Variants in PCDHA10 observed in about 807,000 individuals in gnomAD.
PCDHA10 encodes protocadherin alpha 10, also known as protocadherin alpha-10.
PCDHA10 carries 45 observed loss-of-function variants against 61.2 expected under a neutral mutation model. The ratio of observed to expected loss-of-function variants is 0.74; its 90% CI spans 0.58 to 0.94. PCDHA10 has a LOEUF of 0.94. PCDHA10 is among the 40% of genes least tolerant of loss of function. The pLI is 0.00. For synonymous variants in PCDHA10, 602 were observed against 548.8 expected (o/e 1.10, Z -1.35); for missense variants, 1,278 against 1,236.2 (o/e 1.03, Z -0.51).
chr5:140,973,936 G>A (rs2096608372), intron 1 of PCDHA10, among the ~76,000 whole-genome samples: 1 of 152,334 alleles, frequency 6.6e-6, no homozygotes, highest in Admixed American at 6.5e-5. Context: ...AGGTTTAGCT[G>A]AATATGATGG....
intron 1 of PCDHA10, among the ~76,000 whole-genome samples, chr5:140,933,444 A>T (rs1478759836): frequency 1.3e-5 from 2 of 152,184 alleles, no homozygotes; most frequent in African/African-American, 4.8e-5. Flanking sequence ...CTAATGACAT[A>T]CCTTCAAAAT....
intron 1 of PCDHA10, chr5:140,966,778 G>A: frequency 6.6e-7 from 1 of 1,512,496 alleles, no homozygotes; most frequent in Non-Finnish European, 8.8e-7. Flanking sequence ...TGGAGCAGGC[G>A]GGCACCAGAC....
intron 3 of PCDHA10, among the ~76,000 whole-genome samples, chr5:140,983,425 C>T (rs1252010683): frequency 2.0e-5 from 3 of 152,198 alleles, no homozygotes; most frequent in Non-Finnish European, 4.4e-5. Context: ...GTAGAGACCA[C>T]AAATTGTGTC....
chr5:141,007,728 G>A (rs2098342783), intron 3 of PCDHA10, among the ~76,000 whole-genome samples: 1 of 152,096 alleles, frequency 6.6e-6, no homozygotes, highest in Non-Finnish European at 1.5e-5. Context: ...GAGAACAAAG[G>A]TTAACCACTG....
chr5:141,000,387 CTCTCTCTCTATATATA>C (rs1282156924), intron 3 of PCDHA10, among the ~76,000 whole-genome samples: 8 of 66,888 alleles, frequency 1.2e-4, no homozygotes, highest in African/African-American at 4.0e-4. Flanking sequence ...CTCTCTCTCT[CTCTCTCTCTATATATA>C]TATATATATA....
intron 3 of PCDHA10, among the ~76,000 whole-genome samples, chr5:140,988,674 T>C (rs1221039125): frequency 1.3e-5 from 2 of 152,240 alleles, no homozygotes; most frequent in Non-Finnish European, 2.9e-5. Context: ...GACTCTAAGA[T>C]AATTCTTTCC....
intron 3 of PCDHA10, among the ~76,000 whole-genome samples, chr5:140,992,848 C>T (rs2097530967): frequency 6.6e-6 from 1 of 152,124 alleles, no homozygotes; most frequent in Non-Finnish European, 1.5e-5. Flanking sequence ...TGTATAACAA[C>T]CAGTTTCACT....
At chr5:140,954,781 T>A (rs1312700733) in intron 1 of PCDHA10, among the ~76,000 whole-genome samples, 1 of 152,208 alleles carries the variant, frequency 6.6e-6, no homozygotes, top group Non-Finnish European at 1.5e-5. Flanking sequence ...TTTAATTAGA[T>A]CTCATTTGTC....
chr5:141,005,701 CAAAAA>C (rs59860837), intron 3 of PCDHA10, among the ~76,000 whole-genome samples: 1 of 7,786 alleles, frequency 1.3e-4, no homozygotes, highest in Non-Finnish European at 2.7e-4. Context: ...AACTCCGTCT[CAAAAA>C]AAAAAAAAAA....
chr5:140,870,334 G>T lies in PCDHA10; in HGVS notation c.2388+11898G>T, dbSNP rs180868237. The T allele has an allele frequency of 3.1e-6, 5 of 1,614,166 alleles. No individual in the cohort carries two copies. The highest frequency in any genetic ancestry group is 1.7e-5 in the Admixed American group (1 of 60,020). ...TTACTACTCGTTGGTGCTGGACAGCGCCCTGGACCGCGAGAACGTGTGGGC... is the reference window on the plus strand; with the variant it reads ...TTACTACTCGTTGGTGCTGGACAGCTCCCTGGACCGCGAGAACGTGTGGGC... On this transcript the variant is annotated intron_variant, in intron 1 of 3. Transcript: ENST00000307360.
At chr5:140,909,812 A>T (rs1353892202) in intron 1 of PCDHA10, among the ~76,000 whole-genome samples, 1 of 151,982 alleles carries the variant, frequency 6.6e-6, no homozygotes, top group Non-Finnish European at 1.5e-5. Context: ...AAAACTCCAT[A>T]AGCCCCTACT....
chr5:140,876,759 T>A, intron 1 of PCDHA10: 1 of 1,614,146 alleles, frequency 6.2e-7, no homozygotes, highest in Non-Finnish European at 8.5e-7. Context: ...CTGCGCGGGA[T>A]GGGGGCTCGC....
intron 1 of PCDHA10, chr5:140,876,058 C>T (rs781906188): frequency 6.2e-7 from 1 of 1,613,868 alleles, no homozygotes; most frequent in Middle Eastern, 1.6e-4. Context: ...TGAATTAGTT[C>T]TTCGGAAGTT....
intron 2 of PCDHA10, chr5:140,982,212 C>A: frequency 2.1e-6 from 1 of 479,448 alleles, no homozygotes; most frequent in Non-Finnish European, 3.3e-6. Flanking sequence ...GTGAGCGCCA[C>A]ATGGCGTTAA....
At chr5:140,894,527 G>T (rs1184887485) in intron 1 of PCDHA10, among the ~76,000 whole-genome samples, 1 of 151,472 alleles carries the variant, frequency 6.6e-6, no homozygotes, top group African/African-American at 2.4e-5. Flanking sequence ...ATGCTGTTAT[G>T]TGCCTTCTGG....
At chr5:140,941,644 C>T (rs1157047813) in intron 1 of PCDHA10, among the ~76,000 whole-genome samples, 2 of 152,034 alleles carry the variant, frequency 1.3e-5, no homozygotes, top group African/African-American at 4.8e-5. Flanking sequence ...TGTCTTCCTA[C>T]AACTTATGTC....
chr5:140,972,130 TTAC>T (rs1424151392), intron 1 of PCDHA10, among the ~76,000 whole-genome samples: 1 of 152,022 alleles, frequency 6.6e-6, no homozygotes, highest in Non-Finnish European at 1.5e-5. Flanking sequence ...TATCAGTGAG[TTAC>T]TACTATTTTT....
intron 1 of PCDHA10, among the ~76,000 whole-genome samples, chr5:140,930,720 A>T (rs574022781): frequency 5.3e-5 from 8 of 152,226 alleles, no homozygotes; most frequent in Non-Finnish European, 8.8e-5. Flanking sequence ...TCAAGTAATG[A>T]TGTTAACTGC....
chr5:140,896,748 A>T (rs1554187100), intron 1 of PCDHA10, among the ~76,000 whole-genome samples: 1 of 151,856 alleles, frequency 6.6e-6, no homozygotes, highest in African/African-American at 2.4e-5. Context: ...TAGATTCTGG[A>T]TATTAGACCT....
Sources: allele counts gnomAD v4.1 joint callset (sites outside exome capture counted in the v4.1 genomes callset), GRCh38; gene constraint gnomAD v4.1.1; transcripts MANE v1.5; gene names NCBI Gene and HGNC (gene_info 2026-07-23, HGNC 2026-07-21).